Variants in CBFA2T2 observed in about 807,000 individuals in gnomAD.
CBFA2T2 encodes protein CBFA2T2.
In CBFA2T2, 11 loss-of-function variants were observed where a neutral mutation model predicts 62.2. The ratio of observed to expected loss-of-function variants is 0.18; its 90% CI spans 0.11 to 0.29. CBFA2T2 has a LOEUF of 0.29. CBFA2T2 is among the 10% of genes least tolerant of loss of function. CBFA2T2 has a pLI of 1.00. For synonymous variants in CBFA2T2, 295 were observed against 287.5 expected (o/e 1.03, Z -0.27); for missense variants, 592 against 774.1 (o/e 0.76, Z 2.79).
At chr20:33,503,524 A>G (rs1450977247) in intron 1 of CBFA2T2, among the ~76,000 whole-genome samples, 1 of 152,064 alleles carries the variant, frequency 6.6e-6, no homozygotes, top group Non-Finnish European at 1.5e-5. Flanking sequence ...AAGTGCTGGG[A>G]TTGCAGGCGT....
chr20:33,602,652 T>C (rs74766829), intron 1 of CBFA2T2, among the ~76,000 whole-genome samples: 3,363 of 152,176 alleles, frequency 0.022, 115 homozygotes, highest in African/African-American at 0.077. Context: ...ACATTCCTTT[T>C]GGACTGTAAC....
chr20:33,586,049 T>C (rs2146919645), intron 1 of CBFA2T2, among the ~76,000 whole-genome samples: 1 of 152,352 alleles, frequency 6.6e-6, no homozygotes, highest in African/African-American at 2.4e-5. Context: ...CATATATCTG[T>C]CTCTAAAAAG....
rs544422492 is a variant in CBFA2T2 at position 33,648,981 on chromosome 20, G to T, written c.*4335G>T. On this transcript the variant is annotated 3_prime_UTR_variant, in exon 11 of 11. Transcript: ENST00000342704. ...TGCGTTTGAAGGTTCAGCACAGCTG[G>T]AATTGTACGGTAGTGAGCTCTTCAA... The T allele has an allele frequency of 6.6e-6, 1 of 152,284 alleles. No homozygotes were observed. Among genetic ancestry groups the T allele is most frequent in the South Asian group, 2.1e-4 (1 of 4,826 alleles). 9.4% of individuals were successfully genotyped at this position (152,284 alleles called of 1,614,324 possible). A position where few individuals can be genotyped will look rare whatever the true frequency, so the allele number is the denominator to read the frequency against.
At chr20:33,544,576 C>A (rs983237043) in intron 1 of CBFA2T2, among the ~76,000 whole-genome samples, 1 of 151,928 alleles carries the variant, frequency 6.6e-6, no homozygotes, top group Non-Finnish European at 1.5e-5. Context: ...GAGATGGAGT[C>A]TCGCTCTGTC....
At chr20:33,492,073 G>A (rs527377751) in intron 1 of CBFA2T2, among the ~76,000 whole-genome samples, 1 of 152,000 alleles carries the variant, frequency 6.6e-6, no homozygotes, top group Admixed American at 6.6e-5. Flanking sequence ...TAGTAGAGAC[G>A]GTTTTACCAT....
rs199805350 is a variant in CBFA2T2 at position 33,621,287 on chromosome 20, C to CTTTTTTTTTT, written c.510+1698_510+1707dup. 2.9e-3 allele frequency among the ~76,000 whole-genome samples: 246 copies of CTTTTTTTTTT among 85,282 alleles called. 20 individuals are homozygous for CTTTTTTTTTT. Among genetic ancestry groups the CTTTTTTTTTT allele is most frequent in the African/African-American group, 8.5e-3 (164 of 19,288 alleles). 55.9% of individuals were successfully genotyped at this position (85,282 alleles called of 152,430 possible). ...TCTATAATACCTTTAATTTTACTGCCTTTTTTTTTTTTTTTTTTTTTTTTT... is the reference window on the plus strand; with the variant it reads ...TCTATAATACCTTTAATTTTACTGCCTTTTTTTTTTTTTTTTTTTTTTTTTTTTTTTTTTT... On this transcript the variant is annotated intron_variant, in intron 4 of 10. Coordinates refer to ENST00000342704, the MANE Select transcript of CBFA2T2 (RefSeq NM_001032999.3).
intron 1 of CBFA2T2, among the ~76,000 whole-genome samples, chr20:33,529,571 G>A (rs1048919102): frequency 1.4e-4 from 21 of 151,296 alleles, no homozygotes; most frequent in African/African-American, 4.9e-4. Flanking sequence ...AGGAGTTTGA[G>A]ACCAGTCTGA....
At chr20:33,521,798 C>CA (rs1311042303) in intron 1 of CBFA2T2, among the ~76,000 whole-genome samples, 2 of 151,020 alleles carry the variant, frequency 1.3e-5, no homozygotes, top group Non-Finnish European at 3.0e-5. Context: ...CAAAATTGAA[C>CA]AAAAAAAGAT....
intron 1 of CBFA2T2, among the ~76,000 whole-genome samples, chr20:33,524,453 T>C (rs2011826645): frequency 6.6e-6 from 1 of 152,182 alleles, no homozygotes; most frequent in African/African-American, 2.4e-5. Flanking sequence ...TGAAGGGGCT[T>C]TCAGACTGTG....
intron 1 of CBFA2T2, among the ~76,000 whole-genome samples, chr20:33,551,394 T>C (rs2012737778): frequency 6.6e-6 from 1 of 152,126 alleles, no homozygotes; most frequent in African/African-American, 2.4e-5. Context: ...TTTTGTATTT[T>C]TAGTAGAGAC....
At chr20:33,528,371 G>T (rs1459972108) in intron 1 of CBFA2T2, among the ~76,000 whole-genome samples, 1 of 152,214 alleles carries the variant, frequency 6.6e-6, no homozygotes, top group Admixed American at 6.5e-5. Context: ...GATCAGTAAA[G>T]GTTGCATGTG....
intron 1 of CBFA2T2, among the ~76,000 whole-genome samples, chr20:33,549,090 T>A (rs1464550031): frequency 6.6e-6 from 1 of 152,194 alleles, no homozygotes; most frequent in African/African-American, 2.4e-5. Context: ...CATATTCTTA[T>A]AATCTGGGAC....
intron 1 of CBFA2T2, among the ~76,000 whole-genome samples, chr20:33,528,129 C>T (rs968500704): frequency 6.6e-6 from 1 of 152,110 alleles, no homozygotes; most frequent in Non-Finnish European, 1.5e-5. Flanking sequence ...CTCAGCCTCC[C>T]CAGTAACTGG....
chr20:33,612,888 C>T (rs1012000434), intron 3 of CBFA2T2, among the ~76,000 whole-genome samples: 1 of 152,152 alleles, frequency 6.6e-6, no homozygotes, highest in Non-Finnish European at 1.5e-5. Flanking sequence ...GAGTTCAAGA[C>T]CAGCCTGGGT....
At chr20:33,617,578 G>C (rs867494671) in intron 3 of CBFA2T2, among the ~76,000 whole-genome samples, 1 of 152,078 alleles carries the variant, frequency 6.6e-6, no homozygotes, top group African/African-American at 2.4e-5. Flanking sequence ...AATCATTCAT[G>C]TAGCCCTTCC....
intron 8 of CBFA2T2, among the ~76,000 whole-genome samples, chr20:33,630,532 A>T (rs142926982): frequency 6.6e-6 from 1 of 152,108 alleles, no homozygotes; most frequent in Non-Finnish European, 1.5e-5. Flanking sequence ...GGCCTCCTAC[A>T]AAAGGTTTTA....
chr20:33,580,189 C>G (rs986832120), intron 1 of CBFA2T2, among the ~76,000 whole-genome samples: 5 of 152,054 alleles, frequency 3.3e-5, no homozygotes, highest in Admixed American at 3.3e-4. Context: ...TGGGAATATA[C>G]ATTTTAGGCG....
At chr20:33,490,450 G>A (rs1600888935) in intron 1 of CBFA2T2, 149 bp downstream of exon 1, 4 of 866,186 alleles carry the variant, frequency 4.6e-6, no homozygotes, top group Non-Finnish European at 6.1e-6. Flanking sequence ...CACGCAGCGG[G>A]GCGGGCCTTC....
chr20:33,568,778 G>A (rs533516433), intron 1 of CBFA2T2, among the ~76,000 whole-genome samples: 1 of 152,144 alleles, frequency 6.6e-6, no homozygotes, highest in East Asian at 1.9e-4. Context: ...CTTCCATATG[G>A]GTCTATGCAA....
Sources: gnomAD v4.1 joint callset for allele counts (sites outside exome capture counted in the v4.1 genomes callset) on GRCh38, gnomAD v4.1.1 for gene constraint, MANE v1.5 for transcripts, NCBI Gene and HGNC (gene_info 2026-07-23, HGNC 2026-07-21) for gene names.